EIF4G2: variants seen among roughly 807,000 people sequenced by gnomAD.
EIF4G2 encodes the protein DAP-5.
A neutral mutation model predicts 117.7 loss-of-function variants in EIF4G2; 8 were observed. That is an observed-to-expected ratio of 0.07 (90% CI 0.04 to 0.12). EIF4G2 has a LOEUF of 0.12. Ranked by LOEUF, EIF4G2 falls within the 10% of genes least tolerant of loss-of-function variation. The pLI, the probability that EIF4G2 is intolerant of heterozygous loss-of-function variation, is 1.00. For missense variants in EIF4G2, 812 were observed against 1,086.2 expected (o/e 0.75, Z 3.55); for synonymous variants, 413 against 367.8 (o/e 1.12, Z -1.41).
At chr11:10,806,555 A>G (rs1847576300) in intron 3 of EIF4G2, 1 of 458,346 alleles carries the variant, frequency 2.2e-6, no homozygotes, top group Non-Finnish European at 3.9e-6. Context: ...CAGTAGGAAT[A>G]ATAGCTACTG....
chr11:10,805,844 C>G (rs1348477647), intron 4 of EIF4G2, 63 bp downstream of exon 4: 5 of 1,610,030 alleles, frequency 3.1e-6, no homozygotes, highest in African/African-American at 1.3e-5. Context: ...TAATACAGCA[C>G]ACACACCAAA....
chr11:10,803,699 CTAG>C lies in EIF4G2; in HGVS notation c.703-112_703-110del. On this transcript the variant is annotated intron_variant, in intron 8 of 21. Transcript: ENST00000339995. This position sits in a 1 kb window ranked among gnomAD's most constrained non-coding sequence, Gnocchi z 4.0. Reference sequence around the variant, plus strand: ...GACTCATTCACAGTTCCTACAGAATCTAGTATAGGGCTTTCTACCAGTCTGGTT... The same window carrying C: ...GACTCATTCACAGTTCCTACAGAATCTATAGGGCTTTCTACCAGTCTGGTT... 1 of 1,162,716 alleles carries C rather than the reference CTAG, an allele frequency of 8.6e-7. No individual in the cohort carries two copies. Among genetic ancestry groups the C allele is most frequent in the African/African-American group, 1.5e-5 (1 of 65,602 alleles). 72.0% of individuals were successfully genotyped at this position (1,162,716 alleles called of 1,614,324 possible).
chr11:10,807,595 A>G, intron 1 of EIF4G2: 2 of 1,193,366 alleles, frequency 1.7e-6, no homozygotes, highest in Non-Finnish European at 2.1e-6. Context: ...TTCGTAGAAC[A>G]CAAGAGCATT....
chr11:10,797,464 G>A lies in EIF4G2; in HGVS notation c.*352C>T, dbSNP rs985618205. The A allele has an allele frequency of 4.6e-6, 1 of 218,486 alleles. No individual in the cohort carries two copies. Among genetic ancestry groups the A allele is most frequent in the African/African-American group, 2.3e-5 (1 of 42,976 alleles). The allele number at this position is 218,486 out of a possible 1,614,324, so 13.5% of individuals were successfully genotyped here. ...TTACTGAGCAAAGTGCATTTCTACA[G>A]TATTCAGTGTTGCTATTCAGTTTTC... On this transcript the variant is annotated 3_prime_UTR_variant, in exon 22 of 22. Coordinates refer to ENST00000339995, the MANE Select transcript of EIF4G2 (RefSeq NM_001418.4). The surrounding 1 kb of genome is among the most constrained non-coding windows in gnomAD (Gnocchi z 4.5).
Position 10,799,694 on chromosome 11 carries a change from A to G in EIF4G2, c.2182T>C (p.Phe728Leu), listed in dbSNP as rs764897317. Residue 728 changes from phenylalanine (F) to leucine (L), a missense_variant, in exon 19 of 22, where the codon TTC (phenylalanine) becomes CTC (leucine). Physicochemically the swap from Phe to Leu is conservative, Grantham distance 22 (BLOSUM62 0). Transcript: ENST00000339995. ...TCCTTCTCCAATTTGAGGAGTGGGA[A>G]TAAGAAACTCAGTCCCTTTCCTTCC... is the stretch of plus-strand genomic sequence containing the variant. 5.6e-6 allele frequency: 9 copies of G among 1,614,042 alleles called. No individual in the cohort carries two copies. The highest frequency in any genetic ancestry group is 1.6e-4 in the Middle Eastern group (1 of 6,084).
intron 4 of EIF4G2, 79 bp downstream of exon 4, chr11:10,805,825 CCTT>C (rs1847551153): frequency 4.4e-6 from 7 of 1,590,484 alleles, no homozygotes; most frequent in Non-Finnish European, 6.0e-6. Context: ...ATGAACCTTG[CCTT>C]CTTAGTAATA....
rs372541323 is a variant in EIF4G2 at position 10,799,116 on chromosome 11, T to TAAA, written c.2537-6_2537-4dup. 1,378 of 1,466,950 alleles carry TAAA rather than the reference T, an allele frequency of 9.4e-4. No individual in the cohort carries two copies. Among genetic ancestry groups the TAAA allele is most frequent in the South Asian group, 4.0e-3 (304 of 76,116 alleles). 90.9% of individuals were successfully genotyped at this position (1,466,950 alleles called of 1,614,324 possible). ...CACAAAAAAGCGAAGTAACATGCCTTAAAAAAAAAAAAAAAAAGAAAAAAG... is the reference window on the plus strand; with the variant it reads ...CACAAAAAAGCGAAGTAACATGCCTTAAAAAAAAAAAAAAAAAAAAGAAAAAAG... On this transcript the variant is annotated splice_polypyrimidine_tract_variant and splice_region_variant and intron_variant, in intron 20 of 21. Coordinates refer to ENST00000339995, the MANE Select transcript of EIF4G2 (RefSeq NM_001418.4).
At position 10,808,371 on chromosome 11, in the gene EIF4G2, A is replaced by G. The variant is rs1379124647; in HGVS notation, c.-87+334T>C. The G allele has an allele frequency of 3.3e-6, 4 of 1,219,306 alleles. No individual in the cohort carries two copies. In the Admixed American group the frequency reaches 9.1e-5, roughly 28 times the overall value. 75.5% of individuals were successfully genotyped at this position (1,219,306 alleles called of 1,614,324 possible). A position where few individuals can be genotyped will look rare whatever the true frequency, so the allele number is the denominator to read the frequency against. On this transcript the variant is annotated intron_variant, in intron 1 of 21. Coordinates refer to ENST00000339995, the MANE Select transcript of EIF4G2 (RefSeq NM_001418.4). Reference sequence around the variant, plus strand: ...CCTGCCGGCCCGCGTGCCTCCCGCCACGGCGCTAGCGGTCCGAGCCACGCT... The same window carrying G: ...CCTGCCGGCCCGCGTGCCTCCCGCCGCGGCGCTAGCGGTCCGAGCCACGCT...
Position 10,797,665 on chromosome 11 carries a change from C to T in EIF4G2, c.*151G>A. The T allele has an allele frequency of 1.3e-6, 1 of 780,390 alleles. No homozygotes were observed. Among genetic ancestry groups the T allele is most frequent in the Non-Finnish European group, 2.1e-6 (1 of 474,014 alleles). The allele number at this position is 780,390 out of a possible 1,614,324, so 48.3% of individuals were successfully genotyped here. On this transcript the variant is annotated 3_prime_UTR_variant, in exon 22 of 22. Coordinates refer to ENST00000339995, the MANE Select transcript of EIF4G2 (RefSeq NM_001418.4). The surrounding 1 kb of genome is among the most constrained non-coding windows in gnomAD (Gnocchi z 4.5). ...ATTAAGACATTACACTACAAAAAAA[C>T]CTTATGCAGAAGGAAATCCTAACTG...
Position 10,800,771 on chromosome 11 carries a change from T to C in EIF4G2, c.1604A>G (p.Lys535Arg), listed in dbSNP as rs1847394907. The C allele has an allele frequency of 6.2e-7, 1 of 1,614,112 alleles. No homozygotes were observed. Among genetic ancestry groups the C allele is most frequent in the Non-Finnish European group, 8.5e-7 (1 of 1,180,042 alleles). Residue 535 changes from lysine (K) to arginine (R), a missense_variant, in exon 16 of 22, where the codon AAA becomes AGA. Coordinates refer to ENST00000339995, the MANE Select transcript of EIF4G2 (RefSeq NM_001418.4). ...TTCTTCCTTTGACGGTGGTGGCTTT[T>C]TGCTGGTCTTGGCAGGCTTTTCCTG...
chr11:10,798,690 CCT>C (rs1847333214), intron 21 of EIF4G2: 1 of 206,802 alleles, frequency 4.8e-6, no homozygotes, highest in African/African-American at 2.3e-5. Context: ...GCTACAATTT[CCT>C]CTTTACTGAT....
intron 1 of EIF4G2, chr11:10,808,249 G>C (rs1847650699): frequency 8.5e-7 from 1 of 1,174,066 alleles, no homozygotes. Context: ...ACGAAGGGCA[G>C]CCCCTGCCGA....
At chr11:10,800,860 T>A in intron 15 of EIF4G2, 25 bp from the exon 16 acceptor site, 1 of 1,612,432 alleles carries the variant, frequency 6.2e-7, no homozygotes, top group Non-Finnish European at 8.5e-7. Flanking sequence ...ATGACAGACT[T>A]TTTTTAAAAA....
chr11:10,804,874 C>CCCTCT (rs747789684), intron 5 of EIF4G2, 39 bp downstream of exon 5: 1 of 1,527,488 alleles, frequency 6.5e-7, no homozygotes, highest in Non-Finnish European at 9.1e-7. Context: ...TTAAACAGTT[C>CCCTCT]CCTCTCCCTT....
At chr11:10,807,153 A>G (rs1847600733) in intron 2 of EIF4G2, 102 bp downstream of exon 2, 1 of 1,494,774 alleles carries the variant, frequency 6.7e-7, no homozygotes, top group African/African-American at 1.4e-5. Flanking sequence ...AGAACTTTTC[A>G]AATGAAAATT....
intron 3 of EIF4G2, chr11:10,806,475 C>T (rs1029241358): frequency 5.6e-5 from 18 of 323,416 alleles, no homozygotes; most frequent in East Asian, 3.8e-4. Context: ...GCCACTGTAC[C>T]GGCTGCCAAT....
In EIF4G2 at chr11:10,803,929, G is replaced by A. The variant is rs768078037; in HGVS notation, c.672C>T (p.His224=). 9 of 1,613,834 alleles carry A rather than the reference G, an allele frequency of 5.6e-6. No individual in the cohort carries two copies. The highest frequency in any genetic ancestry group is 4.5e-5 in the East Asian group (2 of 44,898). ...TGATGCACTTATGAAGGATAGATTC[G>A]TGAATAAGATCAAGCTTGCCAAGCT... is the stretch of plus-strand genomic sequence containing the variant. The change falls in exon 8 of 22, where the codon CAC becomes CAT. Residue 224 remains histidine (H), a synonymous_variant. Coordinates refer to ENST00000339995, the MANE Select transcript of EIF4G2 (RefSeq NM_001418.4). This position sits in a 1 kb window ranked among gnomAD's most constrained non-coding sequence, Gnocchi z 4.0.
rs1847393532 is a variant in EIF4G2 at position 10,800,716 on chromosome 11, A to G, written c.1644+15T>C. The G allele has an allele frequency of 1.2e-6, 2 of 1,614,062 alleles. No individual in the cohort carries two copies. Among genetic ancestry groups the G allele is most frequent in the Non-Finnish European group, 1.7e-6 (2 of 1,179,964 alleles). ...TACAGGCTAATTACACTAAAATGGGATATTTGAAACTTACAGTTAGTTTAA... is the reference window on the plus strand; with the variant it reads ...TACAGGCTAATTACACTAAAATGGGGTATTTGAAACTTACAGTTAGTTTAA... On this transcript the variant is annotated intron_variant, in intron 16 of 21. Transcript: ENST00000339995.
At position 10,797,535 on chromosome 11, in the gene EIF4G2, C is replaced by A. The variant is rs929623917; in HGVS notation, c.*281G>T. ...TAACTGGCAGCAAAGAAGGTCCTTG[C>A]AATAGACTGCCTCTGCTTGAGAACT... On this transcript the variant is annotated 3_prime_UTR_variant, in exon 22 of 22. Transcript: ENST00000339995. This position sits in a 1 kb window ranked among gnomAD's most constrained non-coding sequence, Gnocchi z 4.5. The A allele has an allele frequency of 5.5e-6, 2 of 364,288 alleles. No homozygotes were observed. The highest frequency in any genetic ancestry group is 1.0e-5 in the Non-Finnish European group (2 of 199,728). 22.6% of individuals were successfully genotyped at this position (364,288 alleles called of 1,614,324 possible).
Sources: gnomAD v4.1 joint callset for allele counts on GRCh38, gnomAD v4.1.1 for gene constraint, Gnocchi (gnomAD v3.1) non-coding constraint, MANE v1.5 for transcripts, NCBI Gene and HGNC (gene_info 2026-07-23, HGNC 2026-07-21) for gene names.